The following GALNT5 variants were observed in gnomAD, a reference collection of about 807,000 sequenced individuals.
GALNT5 encodes the protein polypeptide N-acetylgalactosaminyltransferase 5.
Under a neutral mutation model 85.4 loss-of-function variants are expected in GALNT5, and 72 were observed. That is an observed-to-expected ratio of 0.84 (90% CI 0.70 to 1.03). GALNT5 has a LOEUF of 1.03. Ranked by LOEUF, GALNT5 falls within the 50% of genes least tolerant of loss-of-function variation. The pLI is 0.00. For missense variants in GALNT5, 1,137 were observed against 1,135.5 expected (o/e 1.00, Z -0.02); for synonymous variants, 404 against 397.0 (o/e 1.02, Z -0.21).
Position 157,311,375 on chromosome 2 carries a change from A to G in GALNT5, c.*27A>G. ...GTGTAACTGATGTTTTTATATAGTA[A>G]ACCCATTAAATACTGTGAAAATAAC... On this transcript the variant is annotated 3_prime_UTR_variant, in exon 10 of 10. Transcript: ENST00000259056. 1 of 1,461,774 alleles carries G rather than the reference A, an allele frequency of 6.8e-7. No individual in the cohort carries two copies. Among genetic ancestry groups the G allele is most frequent in the Non-Finnish European group, 9.4e-7 (1 of 1,062,160 alleles). The allele number at this position is 1,461,774 out of a possible 1,614,324, so 90.6% of individuals were successfully genotyped here. A position where few individuals can be genotyped will look rare whatever the true frequency, so the allele number is the denominator to read the frequency against.
At position 157,259,281 on chromosome 2, in the gene GALNT5, C is replaced by T. The variant is rs1172595021; in HGVS notation, c.1199C>T (p.Ala400Val). Reference protein sequence around the residue: ...EPAKINITAKAPSTEYNQSHI... With the variant: ...EPAKINITAKVPSTEYNQSHI... ...GCAAAAATCAACATAACTGCCAAAG[C>T]CCCCTCTACAGAATACAACCAGAGT... Residue 400 changes from alanine (A) to valine (V), a missense_variant, in exon 1 of 10, where the codon GCC becomes GTC. Coordinates refer to ENST00000259056, the MANE Select transcript of GALNT5 (RefSeq NM_014568.3). 1 of 1,610,720 alleles carries T rather than the reference C, an allele frequency of 6.2e-7. No individual in the cohort carries two copies.
At chr2:157,305,691 A>T in intron 7 of GALNT5, 58 bp from the exon 8 acceptor site, 2 of 946,902 alleles carry the variant, frequency 2.1e-6, no homozygotes, top group Non-Finnish European at 3.5e-6. Flanking sequence ...AATGTGTCTG[A>T]ATGTCTTGTT....
Position 157,259,149 on chromosome 2 carries a change from G to A in GALNT5, c.1067G>A (p.Ser356Asn), listed in dbSNP as rs1454506836. The A allele has an allele frequency of 2.0e-6, 3 of 1,497,172 alleles. No homozygotes were observed. The highest frequency in any genetic ancestry group is 2.7e-6 in the Non-Finnish European group (3 of 1,123,622). 92.7% of individuals were successfully genotyped at this position (1,497,172 alleles called of 1,614,324 possible). A position where few individuals can be genotyped will look rare whatever the true frequency, so the allele number is the denominator to read the frequency against. Residue 356 changes from serine (S) to asparagine (N), a missense_variant, in exon 1 of 10, where the codon AGT becomes AAT. Physicochemically the swap from Ser to Asn is conservative, Grantham distance 46 (BLOSUM62 1). Transcript: ENST00000259056. ...IFPKVLGKSQ[S>N]KHISRNRSEM... Reference sequence around the variant, plus strand: ...CCTAAAGTATTGGGTAAAAGCCAAAGTAAACACATTTCCAGGAATAGAAGT... The same window carrying A: ...CCTAAAGTATTGGGTAAAAGCCAAAATAAACACATTTCCAGGAATAGAAGT...
At chr2:157,282,072 G>C (rs543512922) in intron 1 of GALNT5, among the ~76,000 whole-genome samples, 15 of 152,300 alleles carry the variant, frequency 9.8e-5, no homozygotes, top group Admixed American at 3.3e-4. Flanking sequence ...CTAATGCATG[G>C]ATCCTTAGTG....
At chr2:157,286,285 C>T (rs1682969319) in intron 3 of GALNT5, 151 bp downstream of exon 3, 2 of 655,270 alleles carry the variant, frequency 3.1e-6, no homozygotes, top group Non-Finnish European at 2.6e-6. Flanking sequence ...ATAATATGTG[C>T]TTTATCATAA....
intron 3 of GALNT5, among the ~76,000 whole-genome samples, chr2:157,288,662 T>C (rs1297842800): frequency 6.6e-6 from 1 of 152,228 alleles, no homozygotes; most frequent in Non-Finnish European, 1.5e-5. Context: ...ATTGTAGGCA[T>C]TATTCTCAGT....
rs563624271 is a variant in GALNT5, at chr2:157,277,033, G to A, written c.1455-7249G>A. Among the ~76,000 whole-genome samples the A allele has an allele frequency of 5.0e-4, 76 of 152,050 alleles. 2 individuals are homozygous for A. The East Asian group carries it at 0.014, about 28-fold the overall frequency. On this transcript the variant is annotated intron_variant, in intron 1 of 9. Transcript: ENST00000259056. Reference sequence around the variant, plus strand: ...TCTGGTATGTTGTGTCTTTGTTCTCGTTGGTTTCAAAGAACATCTTTATTT... The same window carrying A: ...TCTGGTATGTTGTGTCTTTGTTCTCATTGGTTTCAAAGAACATCTTTATTT...
At chr2:157,265,648 C>T (rs1682441159) in intron 1 of GALNT5, among the ~76,000 whole-genome samples, 2 of 152,250 alleles carry the variant, frequency 1.3e-5, no homozygotes, top group South Asian at 4.2e-4. Flanking sequence ...GTAATATTGC[C>T]CTGGTACTCT....
chr2:157,272,764 T>C (rs1417379626), intron 1 of GALNT5, among the ~76,000 whole-genome samples: 1 of 152,232 alleles, frequency 6.6e-6, no homozygotes, highest in African/African-American at 2.4e-5. Context: ...ACATTTTCTT[T>C]ATCCAATCCA....
In GALNT5 at chr2:157,311,532, G is replaced by A; in HGVS notation, c.*184G>A. 4.0e-6 allele frequency: 2 copies of A among 498,084 alleles called. No individual in the cohort carries two copies. Among genetic ancestry groups the A allele is most frequent in the Non-Finnish European group, 6.9e-6 (2 of 288,724 alleles). The allele number at this position is 498,084 out of a possible 1,614,324, so 30.9% of individuals were successfully genotyped here. On this transcript the variant is annotated 3_prime_UTR_variant, in exon 10 of 10. Coordinates refer to ENST00000259056, the MANE Select transcript of GALNT5 (RefSeq NM_014568.3). The stretch of plus-strand genomic sequence containing the variant: ...TGACTCAGGAAAACAGTCCAACATT[G>A]GACTGAAGTCCTTCTTCGGAACTGG...
chr2:157,305,896 A>G, intron 8 of GALNT5, 67 bp downstream of exon 8: 1 of 849,894 alleles, frequency 1.2e-6, no homozygotes, highest in African/African-American at 1.7e-5. Context: ...TCATTGCTCA[A>G]CTGAGAAATT....
Position 157,316,009 on chromosome 2 carries a change from G to T in GALNT5, c.*4661G>T, listed in dbSNP as rs1455031458. ...TGATATACATAGGGCCCGGGGATTG[G>T]TTTAACCAGGTATACTACTTACATA... On this transcript the variant is annotated 3_prime_UTR_variant, in exon 10 of 10. Transcript: ENST00000259056. 6.6e-6 allele frequency among the ~76,000 whole-genome samples: 1 copy of T among 152,044 alleles called. No homozygotes were observed. Among genetic ancestry groups the T allele is most frequent in the Non-Finnish European group, 1.5e-5 (1 of 67,992 alleles).
chr2:157,259,079 G>A lies in GALNT5; in HGVS notation c.997G>A (p.Ala333Thr). Residue 333 changes from alanine to threonine, a missense_variant, in exon 1 of 10, where the codon GCA becomes ACA. Ala to Thr is a moderately conservative substitution (Grantham distance 58). Transcript: ENST00000259056. ...TATAACCAAAGAGGAAGAGCAAAAGGCAGACCCCAAAGAGGTCTCTAATTC... is the reference window on the plus strand; with the variant it reads ...TATAACCAAAGAGGAAGAGCAAAAGACAGACCCCAAAGAGGTCTCTAATTC... Reference protein sequence around the residue: ...VIITKEEEQKADPKEVSNSKT... With the variant: ...VIITKEEEQKTDPKEVSNSKT... 2.7e-6 allele frequency: 4 copies of A among 1,479,558 alleles called. No individual in the cohort carries two copies. The highest frequency in any genetic ancestry group is 3.6e-6 in the Non-Finnish European group (4 of 1,113,660). 91.7% of individuals were successfully genotyped at this position (1,479,558 alleles called of 1,614,324 possible). A position where few individuals can be genotyped will look rare whatever the true frequency, so the allele number is the denominator to read the frequency against.
chr2:157,295,773 G>T lies in GALNT5; in HGVS notation c.1852G>T (p.Glu618Ter), dbSNP rs771999351. The T allele has an allele frequency of 1.1e-5, 17 of 1,608,078 alleles. No homozygotes were observed. Among genetic ancestry groups the T allele is most frequent in the Non-Finnish European group, 1.4e-5 (17 of 1,175,090 alleles). ...AAAGAAAGTGGCCTGTCCAGTAATC[G>T]AAGTCATCAATGATAAGGATATGAG... ...SRKKVACPVI[E>*]VINDKDMSYM... The change falls in exon 4 of 10, where the codon GAA becomes TAA. Residue 618 changes from glutamate (E) to a stop codon, truncating the protein, a stop_gained. Coordinates refer to ENST00000259056, the MANE Select transcript of GALNT5 (RefSeq NM_014568.3). LOFTEE classifies it high-confidence loss of function.
rs897645791 is a variant in GALNT5, at chr2:157,317,640, A to G, written c.*6292A>G. ...CATTTTTAAGTACTTTTTCTTTTGC[A>G]TCTGATCGACTGAAGTTATTATAAA... On this transcript the variant is annotated 3_prime_UTR_variant, in exon 10 of 10. Coordinates refer to ENST00000259056, the MANE Select transcript of GALNT5 (RefSeq NM_014568.3). Among the ~76,000 whole-genome samples, 6 of 152,166 alleles carry G rather than the reference A, an allele frequency of 3.9e-5. No homozygotes were observed. Among genetic ancestry groups the G allele is most frequent in the African/African-American group, 9.6e-5 (4 of 41,474 alleles).
At chr2:157,263,914 T>C (rs1207572109) in intron 1 of GALNT5, among the ~76,000 whole-genome samples, 1 of 152,196 alleles carries the variant, frequency 6.6e-6, no homozygotes, top group Non-Finnish European at 1.5e-5. Flanking sequence ...TATATTTTTG[T>C]TATTGTTTTG....
At chr2:157,311,091 AT>A (rs1482286225) in intron 9 of GALNT5, 116 bp from the exon 10 acceptor site, 58 of 798,238 alleles carry the variant, frequency 7.3e-5, no homozygotes, top group Non-Finnish European at 1.5e-5. Flanking sequence ...GTTCAGAAGA[AT>A]TCTTAAAAAT....
intron 9 of GALNT5, among the ~76,000 whole-genome samples, chr2:157,310,699 T>G (rs1683551029): frequency 6.6e-6 from 1 of 152,180 alleles, no homozygotes; most frequent in African/African-American, 2.4e-5. Context: ...GCTGTTGACT[T>G]TTTCCTAATC....
At chr2:157,274,284 G>T (rs1259131782) in intron 1 of GALNT5, among the ~76,000 whole-genome samples, 1 of 152,136 alleles carries the variant, frequency 6.6e-6, no homozygotes, top group East Asian at 1.9e-4. Flanking sequence ...ATAAACAAAC[G>T]TGTACATGTG....
Sources: allele counts gnomAD v4.1 joint callset (sites outside exome capture counted in the v4.1 genomes callset), GRCh38; gene constraint gnomAD v4.1.1; transcripts MANE v1.5; gene names NCBI Gene and HGNC (gene_info 2026-07-23, HGNC 2026-07-21).